Variants in ANK3 observed in about 807,000 individuals in gnomAD.
ANK3 encodes ankyrin 3.
In ANK3, 57 loss-of-function variants were observed where a neutral mutation model predicts 370.9. The ratio of observed to expected loss-of-function variants is 0.15; its 90% CI spans 0.12 to 0.19. The LOEUF is 0.19. Among genes scored for constraint, ANK3 ranks in the 10% least tolerant of loss-of-function variants. ANK3 has a pLI of 1.00. For missense variants in ANK3, 4,439 were observed against 5,302.1 expected (o/e 0.84, Z 5.06); for synonymous variants, 1,929 against 1,946.3 (o/e 0.99, Z 0.23).
At chr10:60,374,138 C>A (rs1380673782) in intron 1 of ANK3, among the ~76,000 whole-genome samples, 1 of 151,760 alleles carries the variant, frequency 6.6e-6, no homozygotes, top group Non-Finnish European at 1.5e-5. Context: ...AGTAGGAGCA[C>A]AAGGGATACT....
chr10:60,525,657 A>C (rs1056586410), intron 2 of ANK3, among the ~76,000 whole-genome samples: 3 of 152,066 alleles, frequency 2.0e-5, no homozygotes, highest in Non-Finnish European at 4.4e-5. Flanking sequence ...TTATTTTGCC[A>C]ATATAAAAGG....
At chr10:60,152,032 G>A (rs1369868697) in intron 23 of ANK3, among the ~76,000 whole-genome samples, 1 of 152,104 alleles carries the variant, frequency 6.6e-6, no homozygotes, top group Non-Finnish European at 1.5e-5. Context: ...CTGATGGTGA[G>A]AGTATTAATT....
intron 1 of ANK3, among the ~76,000 whole-genome samples, chr10:60,286,646 A>G (rs2040093694): frequency 6.6e-6 from 1 of 152,132 alleles, no homozygotes; most frequent in Admixed American, 6.6e-5. Flanking sequence ...CAGCTTTACT[A>G]GTTAATTTCT....
At chr10:60,641,209 G>C (rs2078627747) in intron 1 of ANK3, among the ~76,000 whole-genome samples, 1 of 146,766 alleles carries the variant, frequency 6.8e-6, no homozygotes, top group Non-Finnish European at 1.5e-5. Flanking sequence ...TACTGCCCAC[G>C]GTAATTTATA....
chr10:60,661,086 G>A (rs980688299), intron 1 of ANK3, among the ~76,000 whole-genome samples: 1 of 150,950 alleles, frequency 6.6e-6, no homozygotes, highest in African/African-American at 2.4e-5. Flanking sequence ...GAGTCTGGTG[G>A]CAATGTGAAA....
intron 7 of ANK3, among the ~76,000 whole-genome samples, chr10:60,258,033 G>A (rs2097761339): frequency 6.6e-6 from 1 of 152,222 alleles, no homozygotes; most frequent in East Asian, 1.9e-4. Context: ...AATCAATAAA[G>A]GGAACTTTGC....
chr10:60,354,942 CCTGAGT>C, intron 1 of ANK3, among the ~76,000 whole-genome samples: 1 of 151,872 alleles, frequency 6.6e-6, no homozygotes, highest in South Asian at 2.1e-4. Flanking sequence ...AAATAAATAC[CCTGAGT>C]CTGATCATCT....
intron 4 of ANK3, among the ~76,000 whole-genome samples, chr10:60,275,707 G>A (rs1341410448): frequency 6.6e-6 from 1 of 152,114 alleles, no homozygotes; most frequent in Non-Finnish European, 1.5e-5. Flanking sequence ...AGACCAAGGA[G>A]GCACTGGCTA....
chr10:60,169,426 C>T (rs1234432409), intron 21 of ANK3, among the ~76,000 whole-genome samples: 3 of 139,388 alleles, frequency 2.2e-5, no homozygotes, highest in East Asian at 2.1e-4. Flanking sequence ...AGGAAGATCA[C>T]AGAGGAAAAG....
chr10:60,408,604 A>G (rs2063499746), intron 2 of ANK3, among the ~76,000 whole-genome samples: 1 of 152,204 alleles, frequency 6.6e-6, no homozygotes, highest in Non-Finnish European at 1.5e-5. Context: ...TAGCAACATG[A>G]GAATGAACTA....
At chr10:60,176,216 T>A (rs1447685666) in intron 18 of ANK3, among the ~76,000 whole-genome samples, 2 of 144,826 alleles carry the variant, frequency 1.4e-5, no homozygotes, top group African/African-American at 2.6e-5. Flanking sequence ...CAAAAAACAA[T>A]TAGCCGGGCG....
chr10:60,714,075 T>C (rs945495020), intron 1 of ANK3, among the ~76,000 whole-genome samples: 1 of 152,082 alleles, frequency 6.6e-6, no homozygotes, highest in African/African-American at 2.4e-5. Flanking sequence ...ATTGATCTCA[T>C]AAACATCAAA....
At chr10:60,639,066 A>G (rs2078593985) in intron 1 of ANK3, among the ~76,000 whole-genome samples, 1 of 152,050 alleles carries the variant, frequency 6.6e-6, no homozygotes, top group Non-Finnish European at 1.5e-5. Flanking sequence ...CCACACAAAG[A>G]TACATCATAA....
At chr10:60,594,349 CA>C (rs1287380115) in intron 2 of ANK3, among the ~76,000 whole-genome samples, 11 of 152,276 alleles carry the variant, frequency 7.2e-5, no homozygotes, top group African/African-American at 2.6e-4. Context: ...TACTAGGCAA[CA>C]GTTATTAATA....
At chr10:60,466,152 T>C (rs906281922) in intron 2 of ANK3, among the ~76,000 whole-genome samples, 2 of 152,116 alleles carry the variant, frequency 1.3e-5, no homozygotes, top group African/African-American at 4.8e-5. Context: ...GTATAGAAAA[T>C]AGATTATCAC....
At position 60,128,405 on chromosome 10, in the gene ANK3, G is replaced by T. The variant is rs979951931; in HGVS notation, c.2841+5866C>A. On this transcript the variant is annotated intron_variant, in intron 25 of 43. Transcript: ENST00000280772. Reference sequence around the variant, plus strand: ...TTTTCTTTTTTTTTTTTTGAGATAGGGTCTCACTATCTTGCCCAGACTGGA... The same window carrying T: ...TTTTCTTTTTTTTTTTTTGAGATAGTGTCTCACTATCTTGCCCAGACTGGA... Among the ~76,000 whole-genome samples the T allele has an allele frequency of 2.7e-5, 4 of 150,380 alleles. No individual in the cohort carries two copies. In the East Asian group the frequency reaches 5.8e-4, roughly 22 times the overall value.
intron 25 of ANK3, among the ~76,000 whole-genome samples, chr10:60,117,394 C>T (rs2093169737): frequency 6.6e-6 from 1 of 152,132 alleles, no homozygotes; most frequent in Non-Finnish European, 1.5e-5. Context: ...ACATAGATCA[C>T]CTAATGAATG....
chr10:60,181,453 C>T, intron 17 of ANK3, 26 bp from the exon 18 acceptor site: 2 of 1,599,246 alleles, frequency 1.3e-6, no homozygotes, highest in Non-Finnish European at 1.7e-6. Context: ...AGGGCACAGT[C>T]ATCGTACAGG....
chr10:60,465,867 T>A (rs1397262301), intron 2 of ANK3, among the ~76,000 whole-genome samples: 1 of 151,612 alleles, frequency 6.6e-6, no homozygotes, highest in Non-Finnish European at 1.5e-5. Flanking sequence ...TCTAGCTATT[T>A]GTGAAATTAA....
Sources: gnomAD v4.1 joint callset for allele counts (sites outside exome capture counted in the v4.1 genomes callset) on GRCh38, gnomAD v4.1.1 for gene constraint, MANE v1.5 for transcripts, NCBI Gene and HGNC (gene_info 2026-07-23, HGNC 2026-07-21) for gene names.